The following MYOM3 variants were observed in gnomAD, a reference collection of about 807,000 sequenced individuals.
MYOM3 encodes myomesin 3.
Under a neutral mutation model 191.7 loss-of-function variants are expected in MYOM3, and 155 were observed. The observed-to-expected ratio is 0.81, with a 90% CI of 0.71 to 0.92. The LOEUF (loss-of-function observed/expected upper bound fraction) is 0.92, where lower values mean the gene tolerates loss of function less well. MYOM3 is among the 40% of genes least tolerant of loss of function. MYOM3 has a pLI of 0.00. For missense variants in MYOM3, 1,889 were observed against 1,890.6 expected (o/e 1.00, Z 0.02); for synonymous variants, 757 against 762.9 (o/e 0.99, Z 0.13).
rs528519388 is a variant in MYOM3 at position 24,066,850 on chromosome 1, T to C, written c.3423+171A>G. On this transcript the variant is annotated intron_variant, in intron 28 of 36. Transcript: ENST00000374434. The stretch of plus-strand genomic sequence containing the variant: ...CCCATGGGCGCTGGGAAGGTGGGTT[T>C]GCTTTTTGGGTTACGTGTGGTCTCC... 5.1e-6 allele frequency: 3 copies of C among 587,968 alleles called. No homozygotes were observed. The East Asian group carries it at 8.9e-5, about 18-fold the overall frequency. The allele number at this position is 587,968 out of a possible 1,614,324, so 36.4% of individuals were successfully genotyped here.
In MYOM3 at chr1:24,111,687, C is replaced by T. The variant is rs1286681563; in HGVS notation, c.-19+344G>A. On this transcript the variant is annotated intron_variant, in intron 1 of 36. Coordinates refer to ENST00000374434, the MANE Select transcript of MYOM3 (RefSeq NM_152372.4). This position sits in a 1 kb window ranked among gnomAD's most constrained non-coding sequence, Gnocchi z 4.7. ...GAACTTGCCAGCTTAGCCTGGCTCC[C>T]GCTTATCGCTGCTCCATCACAGGAA... is the stretch of plus-strand genomic sequence containing the variant. Among the ~76,000 whole-genome samples, 10 of 152,080 alleles carry T rather than the reference C, an allele frequency of 6.6e-5. No homozygotes were observed. The highest frequency in any genetic ancestry group is 2.2e-4 in the African/African-American group (9 of 41,406).
chr1:24,062,064 G>A lies in MYOM3; in HGVS notation c.3816C>T (p.Thr1272=). The stretch of plus-strand genomic sequence containing the variant: ...GGATGTGAAGCCAGATCTCATCCAG[G>A]GTGGTGCCCGTCCTTATCCGATCAC... ...ESGDRIRTGT[T]LDEIWLHILD... is the part of the protein sequence containing the mutation. Residue 1272 remains threonine, a synonymous_variant, in exon 33 of 37, where the codon ACC becomes ACT. Transcript: ENST00000374434. The A allele has an allele frequency of 6.2e-7, 1 of 1,614,142 alleles. No individual in the cohort carries two copies. Among genetic ancestry groups the A allele is most frequent in the Non-Finnish European group, 8.5e-7 (1 of 1,180,034 alleles).
At chr1:24,105,400 C>T (rs1643973644) in intron 5 of MYOM3, among the ~76,000 whole-genome samples, 2 of 152,254 alleles carry the variant, frequency 1.3e-5, no homozygotes, top group Non-Finnish European at 1.5e-5. Context: ...AGGCCCTTCC[C>T]TTCCCATCTT....
intron 22 of MYOM3, among the ~76,000 whole-genome samples, chr1:24,075,091 GAA>G (rs1643579811): frequency 6.6e-6 from 1 of 151,672 alleles, no homozygotes; most frequent in Admixed American, 6.6e-5. Context: ...GAAAAGAAAA[GAA>G]AAGAAAAGAA....
intron 3 of MYOM3, 69 bp from the exon 4 acceptor site, chr1:24,107,301 A>T (rs907311256): frequency 2.9e-6 from 4 of 1,391,830 alleles, no homozygotes; most frequent in Non-Finnish European, 2.9e-6. Context: ...GGCCAGTTCC[A>T]TTCCCTGTGC....
rs751190712 is a variant in MYOM3, at chr1:24,058,941, TGGCCACATCC to T, written c.4023_4032del (p.Asp1342LeufsTer10). ...GTCAGTACCTTATCTTCCATGATAGTGGCCACATCCGGCAGACCTCTCACCACTTTGGCAC... is the reference window on the plus strand; with the variant it reads ...GTCAGTACCTTATCTTCCATGATAGTGGCAGACCTCTCACCACTTTGGCAC... On this transcript the variant is annotated frameshift_variant, in exon 36 of 37. Transcript: ENST00000374434. LOFTEE classifies it high-confidence loss of function. 1 of 1,611,624 alleles carries T rather than the reference TGGCCACATCC, an allele frequency of 6.2e-7. No homozygotes were observed. Among genetic ancestry groups the T allele is most frequent in the Admixed American group, 1.7e-5 (1 of 59,742 alleles).
intron 21 of MYOM3, 95 bp from the exon 22 acceptor site, chr1:24,075,570 G>T: frequency 7.6e-7 from 1 of 1,311,428 alleles, no homozygotes; most frequent in Non-Finnish European, 1.0e-6. Flanking sequence ...CCTGCCTGTT[G>T]CACTTAATAA....
chr1:24,089,413 TG>T, intron 14 of MYOM3, 124 bp downstream of exon 14: 1 of 1,284,308 alleles, frequency 7.8e-7, no homozygotes, highest in South Asian at 1.6e-5. Flanking sequence ...GGGCCATGCC[TG>T]GGCCCTTCTG....
intron 7 of MYOM3, among the ~76,000 whole-genome samples, chr1:24,096,852 T>C (rs1260963862): frequency 2.0e-5 from 3 of 152,252 alleles, no homozygotes; most frequent in Non-Finnish European, 4.4e-5. Context: ...TGCCCTGCCC[T>C]GGTCATGGGA....
In MYOM3 at chr1:24,099,675, C is replaced by A; in HGVS notation, c.656+5G>T. On this transcript the variant is annotated splice_donor_5th_base_variant and intron_variant, in intron 6 of 36. Coordinates refer to ENST00000374434, the MANE Select transcript of MYOM3 (RefSeq NM_152372.4). ...TCATAGGTCTCTCCAGGTCTCCAGT[C>A]TCACCTCCTAATCTCCAGGGACAGC... The A allele has an allele frequency of 6.2e-7, 1 of 1,611,948 alleles. No individual in the cohort carries two copies. Among genetic ancestry groups the A allele is most frequent in the Middle Eastern group, 1.7e-4 (1 of 6,056 alleles).
In MYOM3 at chr1:24,099,767, T is replaced by A. The variant is rs1643899394; in HGVS notation, c.569A>T (p.Asn190Ile). The A allele has an allele frequency of 6.2e-7, 1 of 1,613,724 alleles. No homozygotes were observed. Among genetic ancestry groups the A allele is most frequent in the Middle Eastern group, 1.6e-4 (1 of 6,062 alleles). ...SPPPQVTWYK[N>I]DTRIDPRLFR... ...GAGGCGGGGATCAATCCGTGTGTCA[T>A]TTTTGTACCTGTGGGGACATAGCGG... Residue 190 changes from asparagine (N) to isoleucine (I), a missense_variant, in exon 6 of 37, where the codon AAT becomes ATT. Coordinates refer to ENST00000374434, the MANE Select transcript of MYOM3 (RefSeq NM_152372.4).
intron 23 of MYOM3, 116 bp from the exon 24 acceptor site, chr1:24,072,129 C>A: frequency 1.0e-6 from 1 of 961,800 alleles, no homozygotes; most frequent in African/African-American, 1.6e-5. Flanking sequence ...CCAAGAGACA[C>A]CTCCCCCGAC....
intron 23 of MYOM3, among the ~76,000 whole-genome samples, chr1:24,073,692 A>G (rs1643559459): frequency 2.0e-5 from 3 of 151,962 alleles, no homozygotes; most frequent in South Asian, 2.1e-4. Context: ...GTGAAACCCC[A>G]TCTCTACTAA....
At chr1:24,058,103 G>A (rs575057347) in intron 36 of MYOM3, among the ~76,000 whole-genome samples, 8 of 152,138 alleles carry the variant, frequency 5.3e-5, no homozygotes, top group Non-Finnish European at 1.0e-4. Context: ...CACTGTGCCC[G>A]GGCATTCTCA....
chr1:24,063,288 A>AT lies in MYOM3; in HGVS notation c.3662-55dup. The AT allele has an allele frequency of 6.6e-7, 1 of 1,516,484 alleles. No homozygotes were observed. Among genetic ancestry groups the AT allele is most frequent in the Non-Finnish European group, 9.2e-7 (1 of 1,092,786 alleles). 93.9% of individuals were successfully genotyped at this position (1,516,484 alleles called of 1,614,324 possible). ...TTCCCTGAGGCCATTTAGGCATCAGATTTTGGGGCCGGCTTGTCTGCCTCT... is the reference window on the plus strand; with the variant it reads ...TTCCCTGAGGCCATTTAGGCATCAGATTTTTGGGGCCGGCTTGTCTGCCTCT... On this transcript the variant is annotated intron_variant, in intron 31 of 36. Coordinates refer to ENST00000374434, the MANE Select transcript of MYOM3 (RefSeq NM_152372.4). This position sits in a 1 kb window ranked among gnomAD's most constrained non-coding sequence, Gnocchi z 4.5.
At chr1:24,067,176 A>G in intron 27 of MYOM3, 88 bp from the exon 28 acceptor site, 1 of 1,313,712 alleles carries the variant, frequency 7.6e-7, no homozygotes, top group Non-Finnish European at 1.1e-6. Flanking sequence ...GGGGGGAGGG[A>G]CAGCTAATGG....
Position 24,062,063 on chromosome 1 carries a change from G to C in MYOM3, c.3817C>G (p.Leu1273Val). The change falls in exon 33 of 37, where the codon CTG (leucine) becomes GTG (valine). Residue 1273 changes from leucine to valine, a missense_variant. Physicochemically the swap from Leu to Val is conservative, Grantham distance 32. Transcript: ENST00000374434. Reference sequence around the variant, plus strand: ...AGGATGTGAAGCCAGATCTCATCCAGGGTGGTGCCCGTCCTTATCCGATCA... The same window carrying C: ...AGGATGTGAAGCCAGATCTCATCCACGGTGGTGCCCGTCCTTATCCGATCA... ...SGDRIRTGTT[L>V]DEIWLHILDP... 6.2e-7 allele frequency: 1 copy of C among 1,614,150 alleles called. No individual in the cohort carries two copies. Among genetic ancestry groups the C allele is most frequent in the Non-Finnish European group, 8.5e-7 (1 of 1,180,042 alleles).
At chr1:24,107,607 C>T (rs1162898956) in intron 3 of MYOM3, among the ~76,000 whole-genome samples, 4 of 152,216 alleles carry the variant, frequency 2.6e-5, no homozygotes, top group Non-Finnish European at 4.4e-5. Flanking sequence ...CCAAGCCGAA[C>T]GCTGCCTCTC....
At chr1:24,107,859 C>T in intron 3 of MYOM3, 134 bp downstream of exon 3, 1 of 752,596 alleles carries the variant, frequency 1.3e-6, no homozygotes, top group Non-Finnish European at 2.2e-6. Flanking sequence ...AAACTCCTGT[C>T]TAGACCCTTA....
Sources: gnomAD v4.1 joint callset for allele counts (sites outside exome capture counted in the v4.1 genomes callset) on GRCh38, gnomAD v4.1.1 for gene constraint, Gnocchi (gnomAD v3.1) non-coding constraint, MANE v1.5 for transcripts, NCBI Gene and HGNC (gene_info 2026-07-23, HGNC 2026-07-21) for gene names.